DACH1: variants seen among roughly 807,000 people sequenced by gnomAD.
The protein encoded by DACH1 is dachshund homolog 1.
DACH1 carries 12 observed loss-of-function variants against 54.2 expected under a neutral mutation model. The ratio of observed to expected loss-of-function variants is 0.22; its 90% CI spans 0.14 to 0.36. DACH1 has a LOEUF of 0.36. Ranked by LOEUF, DACH1 falls within the 10% of genes least tolerant of loss-of-function variation. The pLI is 1.00. For missense variants in DACH1, 805 were observed against 929.8 expected (o/e 0.87, Z 1.75); for synonymous variants, 386 against 366.2 (o/e 1.05, Z -0.62).
intron 1 of DACH1, among the ~76,000 whole-genome samples, chr13:71,765,643 T>C (rs555806254): frequency 6.6e-6 from 1 of 152,296 alleles, no homozygotes; most frequent in East Asian, 1.9e-4. Flanking sequence ...CTTTAAACAG[T>C]AATAATGATG....
chr13:71,560,469 A>G (rs942595128), intron 4 of DACH1, among the ~76,000 whole-genome samples: 5 of 152,168 alleles, frequency 3.3e-5, no homozygotes, highest in Non-Finnish European at 7.3e-5. Context: ...ATTTTCAGGC[A>G]TCATGGAAAT....
intron 6 of DACH1, among the ~76,000 whole-genome samples, chr13:71,525,903 T>C (rs916178559): frequency 6.6e-6 from 1 of 152,116 alleles, no homozygotes; most frequent in Admixed American, 6.6e-5. Context: ...CAAAATCAAG[T>C]CGAGACTGCT....
intron 4 of DACH1, among the ~76,000 whole-genome samples, chr13:71,565,557 T>C (rs1417240096): frequency 5.3e-5 from 8 of 152,160 alleles, no homozygotes; most frequent in Admixed American, 5.2e-4. Flanking sequence ...AGAAAAATGC[T>C]TAAAAGTACT....
chr13:71,631,725 A>G (rs1490233543), intron 2 of DACH1, among the ~76,000 whole-genome samples: 1 of 152,190 alleles, frequency 6.6e-6, no homozygotes, highest in Admixed American at 6.5e-5. Flanking sequence ...ACTTTGAACC[A>G]CTATGCAAAG....
intron 4 of DACH1, 90 bp downstream of exon 4, chr13:71,572,750 T>C: frequency 7.3e-7 from 1 of 1,369,960 alleles, no homozygotes. Flanking sequence ...CTTTTTAGAG[T>C]TCAGATGTAC....
chr13:71,593,767 T>C (rs1321721069), intron 3 of DACH1, among the ~76,000 whole-genome samples: 1 of 152,158 alleles, frequency 6.6e-6, no homozygotes, highest in East Asian at 1.9e-4. Flanking sequence ...TTTTTCATCA[T>C]CATTTCCCAT....
intron 1 of DACH1, among the ~76,000 whole-genome samples, chr13:71,687,634 G>T (rs944294090): frequency 6.6e-6 from 1 of 151,954 alleles, no homozygotes; most frequent in Non-Finnish European, 1.5e-5. Flanking sequence ...TTGACACAAG[G>T]TCTCACTCTG....
At chr13:71,697,594 T>G (rs1881896103) in intron 1 of DACH1, among the ~76,000 whole-genome samples, 1 of 152,202 alleles carries the variant, frequency 6.6e-6, no homozygotes, top group African/African-American at 2.4e-5. Context: ...ATGTAAATTT[T>G]TAAACATGGC....
At chr13:71,729,615 A>G (rs982999160) in intron 1 of DACH1, among the ~76,000 whole-genome samples, 2 of 152,056 alleles carry the variant, frequency 1.3e-5, no homozygotes, top group African/African-American at 4.8e-5. Context: ...TGTGGAATCT[A>G]TGCATAACAA....
intron 1 of DACH1, among the ~76,000 whole-genome samples, chr13:71,745,856 C>T (rs1884581201): frequency 6.6e-6 from 1 of 152,192 alleles, no homozygotes; most frequent in African/African-American, 2.4e-5. Context: ...CACCTCAAAA[C>T]ATTAGAGTTA....
intron 2 of DACH1, among the ~76,000 whole-genome samples, chr13:71,674,614 T>C (rs1382296266): frequency 1.3e-5 from 2 of 152,076 alleles, no homozygotes; most frequent in African/African-American, 4.8e-5. Context: ...GGGGGTACCC[T>C]GCTGACACCA....
chr13:71,478,045 G>A (rs1168820718), intron 8 of DACH1, among the ~76,000 whole-genome samples: 2 of 152,112 alleles, frequency 1.3e-5, no homozygotes, highest in Admixed American at 6.6e-5. Flanking sequence ...AGGAATCCCC[G>A]GGCCTGCTTT....
Position 71,816,090 on chromosome 13 carries a change from A to AAT in DACH1, c.848+49831_848+49832insAT, listed in dbSNP as rs1555326354. On this transcript the variant is annotated intron_variant, in intron 1 of 10. Coordinates refer to ENST00000613252, the MANE Select transcript of DACH1 (RefSeq NM_080759.6). ...ACAGAGCGAGACTCCGTCTCCAAAA[A>AAT]AAAATAAAATAAAATAAAATAAGCT... Among the ~76,000 whole-genome samples, 13 of 152,262 alleles carry AAT rather than the reference A, an allele frequency of 8.5e-5. 1 individual carries two copies. The highest frequency in any genetic ancestry group is 3.1e-4 in the African/African-American group (13 of 41,516).
intron 1 of DACH1, among the ~76,000 whole-genome samples, chr13:71,854,583 T>G (rs944569724): frequency 6.6e-6 from 1 of 152,104 alleles, no homozygotes; most frequent in African/African-American, 2.4e-5. Flanking sequence ...AGCTAGAAAG[T>G]GCCTCTGAAA....
chr13:71,597,994 T>C (rs997575784), intron 3 of DACH1, among the ~76,000 whole-genome samples: 1 of 150,620 alleles, frequency 6.6e-6, no homozygotes, highest in African/African-American at 2.4e-5. Context: ...GTGGGAGGAT[T>C]GCTTGAGCCT....
chr13:71,558,776 C>T (rs1013856591), intron 5 of DACH1, among the ~76,000 whole-genome samples: 218 of 152,034 alleles, frequency 1.4e-3, no homozygotes, highest in African/African-American at 5.1e-3. Flanking sequence ...AATTGACTAT[C>T]TTTTATTTAT....
At chr13:71,742,260 A>T (rs1240200554) in intron 1 of DACH1, among the ~76,000 whole-genome samples, 2 of 152,180 alleles carry the variant, frequency 1.3e-5, no homozygotes, top group African/African-American at 4.8e-5. Context: ...TGTCTTTGTC[A>T]ACAGCATGCA....
intron 1 of DACH1, among the ~76,000 whole-genome samples, chr13:71,731,729 TG>T (rs1395162870): frequency 6.6e-6 from 1 of 152,208 alleles, no homozygotes; most frequent in Non-Finnish European, 1.5e-5. Context: ...TGAGAATGGA[TG>T]CTCAATCCAA....
intron 1 of DACH1, among the ~76,000 whole-genome samples, chr13:71,763,654 C>T (rs1208386612): frequency 6.6e-6 from 1 of 152,100 alleles, no homozygotes; most frequent in South Asian, 2.1e-4. Flanking sequence ...CACATTACTG[C>T]ACCTGGCTTT....
Sources: allele counts gnomAD v4.1 joint callset (sites outside exome capture counted in the v4.1 genomes callset), GRCh38; gene constraint gnomAD v4.1.1; transcripts MANE v1.5; gene names NCBI Gene and HGNC (gene_info 2026-07-23, HGNC 2026-07-21).